The following KIAA2012 variants were observed in gnomAD, a reference collection of about 807,000 sequenced individuals.
KIAA2012 encodes the protein KIAA2012.
Under a neutral mutation model 150.6 loss-of-function variants are expected in KIAA2012, and 125 were observed. The ratio of observed to expected loss-of-function variants is 0.83; its 90% confidence interval spans 0.72 to 0.96. The LOEUF (loss-of-function observed/expected upper bound fraction) is 0.96, where lower values mean the gene tolerates loss of function less well. Ranked by LOEUF, KIAA2012 falls within the 40% of genes least tolerant of loss-of-function variation. KIAA2012 has a pLI of 0.00. For synonymous variants in KIAA2012, 462 were observed against 504.7 expected, an observed-to-expected ratio of 0.92 and a Z score of 1.13; for missense variants, 1,219 against 1,354.9, an observed-to-expected ratio of 0.90 and a Z score of 1.57.
intron 20 of KIAA2012, 96 bp downstream of exon 20, chr2:202,193,599 G>GT (rs1692359205): frequency 3.2e-6 from 4 of 1,250,730 alleles, no homozygotes; most frequent in Admixed American, 2.5e-5. Context: ...TGGTTCTGAG[G>GT]CTCATGCCCT....
At chr2:202,105,114 TAAAGA>T (rs1690148490) in intron 8 of KIAA2012, among the ~76,000 whole-genome samples, 1 of 98,316 alleles carries the variant, frequency 1.0e-5, no homozygotes, top group Admixed American at 1.0e-4. Flanking sequence ...TAAGCAAAAA[TAAAGA>T]AAAGGAAAGG....
intron 12 of KIAA2012, among the ~76,000 whole-genome samples, chr2:202,126,543 G>T (rs1690793355): frequency 6.6e-6 from 1 of 151,154 alleles, no homozygotes; most frequent in Admixed American, 6.6e-5. Flanking sequence ...TGCCATTTTT[G>T]TTCATTCTCA....
intron 11 of KIAA2012, among the ~76,000 whole-genome samples, chr2:202,120,010 C>T (rs552036580): frequency 6.6e-6 from 1 of 152,340 alleles, no homozygotes; most frequent in East Asian, 1.9e-4. Context: ...TGCACAAGCT[C>T]TCTTTGCCTG....
chr2:202,118,970 C>A (rs1030179124), intron 11 of KIAA2012, among the ~76,000 whole-genome samples: 4 of 152,210 alleles, frequency 2.6e-5, no homozygotes, highest in African/African-American at 9.7e-5. Context: ...ATCATCACCA[C>A]TTTATGGCTT....
At chr2:202,112,710 A>G (rs941669216) in intron 10 of KIAA2012, among the ~76,000 whole-genome samples, 2 of 152,254 alleles carry the variant, frequency 1.3e-5, no homozygotes, top group African/African-American at 2.4e-5. Context: ...AAACCCCGCA[A>G]TCTAGTCCCA....
At chr2:202,175,339 G>A (rs1471193162) in intron 15 of KIAA2012, among the ~76,000 whole-genome samples, 1 of 152,140 alleles carries the variant, frequency 6.6e-6, no homozygotes, top group African/African-American at 2.4e-5. Flanking sequence ...TCCCCAACAG[G>A]GTTTTTGGCA....
chr2:202,106,819 G>T (rs900788423), intron 9 of KIAA2012, among the ~76,000 whole-genome samples: 1 of 152,154 alleles, frequency 6.6e-6, no homozygotes, highest in South Asian at 2.1e-4. Context: ...GTGTTGGATA[G>T]GTTGGAAGTA....
rs1038938667 is a variant in KIAA2012, at chr2:202,126,151, C to T, written c.1831+869C>T. 2.6e-5 allele frequency among the ~76,000 whole-genome samples: 4 copies of T among 151,892 alleles called. No homozygotes were observed. The East Asian group carries it at 7.8e-4, about 29-fold the overall frequency. On this transcript the variant is annotated intron_variant, in intron 12 of 23. Coordinates refer to ENST00000498697, the MANE Select transcript of KIAA2012 (RefSeq NM_001277372.4). Reference sequence around the variant, plus strand: ...TGTATTTTTAGTAGAGACGGGGCTTCACCATATTGGCCAGGCTGGTCTCGA... The same window carrying T: ...TGTATTTTTAGTAGAGACGGGGCTTTACCATATTGGCCAGGCTGGTCTCGA...
intron 22 of KIAA2012, among the ~76,000 whole-genome samples, chr2:202,198,221 C>T (rs530111350): frequency 4.3e-4 from 64 of 147,408 alleles, no homozygotes; most frequent in Non-Finnish European, 8.1e-4. Flanking sequence ...TTGCAAGTGG[C>T]TCATTTTAAT....
intron 15 of KIAA2012, among the ~76,000 whole-genome samples, chr2:202,169,949 A>C (rs1186909367): frequency 1.3e-5 from 2 of 152,146 alleles, no homozygotes; most frequent in African/African-American, 2.4e-5. Flanking sequence ...GCCCCATCCC[A>C]TTCTCATGCT....
chr2:202,074,761 C>T (rs898953800), intron 1 of KIAA2012, 130 bp from the exon 2 acceptor site: 6 of 932,020 alleles, frequency 6.4e-6, no homozygotes, highest in Admixed American at 3.0e-5. Flanking sequence ...CAATTGTGTT[C>T]CATAACACCA....
chr2:202,179,280 G>A, intron 15 of KIAA2012: 1 of 1,160,694 alleles, frequency 8.6e-7, no homozygotes, highest in South Asian at 1.2e-5. Context: ...TTGTGCTTTG[G>A]CTCTTCGGGT....
chr2:202,133,328 C>T (rs182268462), intron 12 of KIAA2012, among the ~76,000 whole-genome samples: 44 of 151,300 alleles, frequency 2.9e-4, no homozygotes, highest in African/African-American at 9.2e-4. Flanking sequence ...TTATGCATCT[C>T]GAATTTAAAT....
intron 15 of KIAA2012, among the ~76,000 whole-genome samples, chr2:202,178,190 C>CA: frequency 1.3e-5 from 2 of 151,658 alleles, no homozygotes; most frequent in South Asian, 4.2e-4. Flanking sequence ...CAGAGTGAGA[C>CA]TCTGTCTCAG....
intron 3 of KIAA2012, among the ~76,000 whole-genome samples, chr2:202,091,775 G>A (rs1323846191): frequency 1.3e-5 from 2 of 152,108 alleles, no homozygotes; most frequent in Admixed American, 6.5e-5. Flanking sequence ...GTACCCACTC[G>A]GCTGTTTGCC....
intron 17 of KIAA2012, 136 bp from the exon 18 acceptor site, chr2:202,188,016 C>T: frequency 1.5e-6 from 1 of 653,952 alleles, no homozygotes; most frequent in Non-Finnish European, 2.6e-6. Context: ...CTAAGATTCA[C>T]TCTTCTGCTT....
At chr2:202,186,389 G>A (rs1223121752) in intron 16 of KIAA2012, among the ~76,000 whole-genome samples, 1 of 152,260 alleles carries the variant, frequency 6.6e-6, no homozygotes, top group South Asian at 2.1e-4. Context: ...GTGGGCGCCT[G>A]TAATCCCAGC....
intron 12 of KIAA2012, among the ~76,000 whole-genome samples, chr2:202,129,380 C>T (rs761063490): frequency 6.6e-6 from 1 of 151,918 alleles, no homozygotes; most frequent in East Asian, 1.9e-4. Flanking sequence ...CCACCGCACC[C>T]GGCTAATTTT....
chr2:202,103,251 G>A, intron 8 of KIAA2012, 137 bp downstream of exon 8: 1 of 832,816 alleles, frequency 1.2e-6, no homozygotes, highest in Non-Finnish European at 1.8e-6. Context: ...GAAGGAAAAA[G>A]GATAAAATCT....
Sources: gnomAD v4.1 joint callset for allele counts (sites outside exome capture counted in the v4.1 genomes callset) on GRCh38, gnomAD v4.1.1 for gene constraint, MANE v1.5 for transcripts, NCBI Gene and HGNC (gene_info 2026-07-23, HGNC 2026-07-21) for gene names.